FBXO11: variants seen among roughly 807,000 people sequenced by gnomAD.
FBXO11 encodes the protein F-box protein 11.
FBXO11 carries 13 observed loss-of-function variants against 117.0 expected under a neutral mutation model. The ratio of observed to expected loss-of-function variants is 0.11; its 90% CI spans 0.07 to 0.18. The LOEUF is 0.18. Among genes scored for constraint, FBXO11 ranks in the 10% least tolerant of loss-of-function variants. The pLI is 1.00. For missense variants in FBXO11, 767 were observed against 1,164.4 expected, an observed-to-expected ratio of 0.66 and a Z score of 4.97; for synonymous variants, 490 against 380.5, an observed-to-expected ratio of 1.29 and a Z score of -3.35.
At chr2:47,811,900 C>T (rs1670640870) in intron 18 of FBXO11, among the ~76,000 whole-genome samples, 1 of 152,184 alleles carries the variant, frequency 6.6e-6, no homozygotes, top group Admixed American at 6.5e-5. Flanking sequence ...AGCCACTGTG[C>T]CCAGTTGGTT....
chr2:47,846,380 T>C (rs555102053), intron 1 of FBXO11, among the ~76,000 whole-genome samples: 8 of 152,294 alleles, frequency 5.3e-5, no homozygotes, highest in Admixed American at 3.3e-4. Context: ...GGCAGGAGAA[T>C]TGCTTGAACC....
At chr2:47,822,784 C>T (rs1671484016) in intron 12 of FBXO11, among the ~76,000 whole-genome samples, 1 of 152,092 alleles carries the variant, frequency 6.6e-6, no homozygotes, top group African/African-American at 2.4e-5. Flanking sequence ...CTGAATTATT[C>T]TATTTGCTAA....
chr2:47,836,168 C>G (rs1049680039), intron 4 of FBXO11, among the ~76,000 whole-genome samples, 167 bp from the exon 5 acceptor site: 2 of 151,962 alleles, frequency 1.3e-5, no homozygotes, highest in African/African-American at 4.8e-5. Flanking sequence ...GACACAGTCT[C>G]ACTGTCATCC....
At chr2:47,809,928 G>A (rs1391932019) in intron 19 of FBXO11, 1 of 525,332 alleles carries the variant, frequency 1.9e-6, no homozygotes, top group African/African-American at 2.0e-5. Flanking sequence ...CAACCTAACT[G>A]TCTTAAAGTT....
chr2:47,825,262 T>A (rs1416679603), intron 11 of FBXO11, among the ~76,000 whole-genome samples: 8 of 152,196 alleles, frequency 5.3e-5, no homozygotes, highest in Non-Finnish European at 7.4e-5. Flanking sequence ...ATCTCTATAT[T>A]TGGATTATAA....
chr2:47,899,864 G>A (rs544264268), intron 1 of FBXO11, among the ~76,000 whole-genome samples: 1 of 150,242 alleles, frequency 6.7e-6, no homozygotes, highest in African/African-American at 2.4e-5. Flanking sequence ...TAATATCAGG[G>A]ATAAATAGGG....
intron 1 of FBXO11, among the ~76,000 whole-genome samples, chr2:47,867,323 A>C (rs1675271169): frequency 6.6e-6 from 1 of 152,188 alleles, no homozygotes; most frequent in Admixed American, 6.5e-5. Context: ...CTTATGGAGC[A>C]GCTATTCTTT....
intron 1 of FBXO11, among the ~76,000 whole-genome samples, chr2:47,900,206 C>T (rs562190115): frequency 6.6e-6 from 1 of 152,192 alleles, no homozygotes; most frequent in African/African-American, 2.4e-5. Flanking sequence ...AAGTTCCAAG[C>T]TTTAAGAAAA....
intron 1 of FBXO11, among the ~76,000 whole-genome samples, chr2:47,840,067 C>T (rs1002682264): frequency 1.3e-5 from 2 of 151,996 alleles, no homozygotes; most frequent in Admixed American, 1.3e-4. Context: ...CCTCAGCCTC[C>T]CGAGTAGCTG....
chr2:47,847,033 CAGG>C (rs1673473635), intron 1 of FBXO11, among the ~76,000 whole-genome samples: 2 of 152,140 alleles, frequency 1.3e-5, no homozygotes, highest in East Asian at 3.9e-4. Flanking sequence ...CATCTGAGGC[CAGG>C]AGTTCAAGAC....
At chr2:47,822,173 G>A (rs772571991) in intron 13 of FBXO11, 45 bp downstream of exon 13, 1 of 1,251,234 alleles carries the variant, frequency 8.0e-7, no homozygotes, top group Non-Finnish European at 1.1e-6. Flanking sequence ...ATATCAAGAA[G>A]ACATACAAAT....
intron 1 of FBXO11, among the ~76,000 whole-genome samples, chr2:47,884,566 G>A (rs1676672818): frequency 6.6e-6 from 1 of 152,148 alleles, no homozygotes; most frequent in Non-Finnish European, 1.5e-5. Flanking sequence ...GCAGATTTAT[G>A]CATCTACATT....
At chr2:47,852,395 A>G (rs965558255) in intron 1 of FBXO11, among the ~76,000 whole-genome samples, 11 of 152,310 alleles carry the variant, frequency 7.2e-5, no homozygotes, top group East Asian at 5.8e-4. Flanking sequence ...TACTTTGACT[A>G]TAATTTGTGG....
chr2:47,820,215 G>A (rs756123279), intron 14 of FBXO11, 147 bp downstream of exon 14: 3 of 468,968 alleles, frequency 6.4e-6, no homozygotes, highest in Non-Finnish European at 1.1e-5. Flanking sequence ...GGGAGAAGAA[G>A]AACGTTATTT....
chr2:47,843,960 C>T (rs758592493), intron 1 of FBXO11, among the ~76,000 whole-genome samples: 1 of 152,022 alleles, frequency 6.6e-6, no homozygotes, highest in Non-Finnish European at 1.5e-5. Flanking sequence ...AGGATGGTCT[C>T]GAACTCCTGA....
Position 47,838,474 on chromosome 2 carries a change from G to A in FBXO11, c.587+385C>T, listed in dbSNP as rs375832002. On this transcript the variant is annotated intron_variant, in intron 4 of 22. Transcript: ENST00000403359. ...TGACCCAGTAATTACTGGGTCAAAG[G>A]GCATGAATTATTTAAAGATTCATGA... Among the ~76,000 whole-genome samples, 12 of 151,808 alleles carry A rather than the reference G, an allele frequency of 7.9e-5. No individual in the cohort carries two copies. The East Asian group carries it at 2.3e-3, about 29-fold the overall frequency.
At chr2:47,821,894 C>A (rs1038883758) in intron 13 of FBXO11, among the ~76,000 whole-genome samples, 1 of 152,150 alleles carries the variant, frequency 6.6e-6, no homozygotes, top group African/African-American at 2.4e-5. Context: ...GAGTTCAAGA[C>A]CAGCCTGGGC....
intron 1 of FBXO11, among the ~76,000 whole-genome samples, chr2:47,899,696 A>G (rs962809455): frequency 5.3e-5 from 8 of 152,192 alleles, no homozygotes; most frequent in Non-Finnish European, 1.5e-5. Flanking sequence ...AGCAACTACA[A>G]TTTGGGGAAT....
intron 14 of FBXO11, 66 bp from the exon 15 acceptor site, chr2:47,819,144 C>A (rs1671204466): frequency 4.0e-6 from 6 of 1,514,344 alleles, no homozygotes; most frequent in Admixed American, 2.0e-5. Flanking sequence ...AGTCTGTTAC[C>A]CCCTTTATAG....
Sources: gnomAD v4.1 joint callset for allele counts (sites outside exome capture counted in the v4.1 genomes callset) on GRCh38, gnomAD v4.1.1 for gene constraint, MANE v1.5 for transcripts, NCBI Gene and HGNC (gene_info 2026-07-23, HGNC 2026-07-21) for gene names.